STAB2: variants seen among roughly 807,000 people sequenced by gnomAD.
STAB2 encodes stabilin-2.
Under a neutral mutation model 338.1 loss-of-function variants are expected in STAB2, and 288 were observed. That is an observed-to-expected ratio of 0.85 (90% CI 0.77 to 0.94). The LOEUF is 0.94. Ranked by LOEUF, STAB2 falls within the 40% of genes least tolerant of loss-of-function variation. The pLI is 0.00. For missense variants in STAB2, 3,141 were observed against 3,210.1 expected, an observed-to-expected ratio of 0.98 and a Z score of 0.52; for synonymous variants, 1,202 against 1,193.3, an observed-to-expected ratio of 1.01 and a Z score of -0.15.
At chr12:103,707,940 A>C (rs1384927243) in intron 38 of STAB2, among the ~76,000 whole-genome samples, 1 of 152,224 alleles carries the variant, frequency 6.6e-6, no homozygotes, top group Non-Finnish European at 1.5e-5. Context: ...GGGATTCAGC[A>C]AACCGCTAAA....
intron 25 of STAB2, among the ~76,000 whole-genome samples, chr12:103,678,890 G>A (rs1434840797): frequency 1.3e-5 from 2 of 152,056 alleles, no homozygotes; most frequent in Non-Finnish European, 2.9e-5. Context: ...GTGGCTTTAG[G>A]CATCATTCCC....
intron 5 of STAB2, among the ~76,000 whole-genome samples, chr12:103,630,618 G>A (rs1957445129): frequency 6.6e-6 from 1 of 152,208 alleles, no homozygotes; most frequent in Non-Finnish European, 1.5e-5. Flanking sequence ...GTAATCACAA[G>A]AGTTGTTATA....
intron 3 of STAB2, among the ~76,000 whole-genome samples, chr12:103,608,704 G>C (rs188632469): frequency 6.6e-6 from 1 of 152,276 alleles, no homozygotes; most frequent in Admixed American, 6.5e-5. Flanking sequence ...GATCCCATTT[G>C]TCAATTTTGG....
intron 44 of STAB2, among the ~76,000 whole-genome samples, chr12:103,719,875 C>T (rs956500970): frequency 1.3e-5 from 2 of 152,236 alleles, no homozygotes; most frequent in Non-Finnish European, 2.9e-5. Flanking sequence ...GACCTGCACC[C>T]TTGACCACTT....
At chr12:103,696,871 A>G (rs1878452164) in intron 33 of STAB2, among the ~76,000 whole-genome samples, 1 of 152,082 alleles carries the variant, frequency 6.6e-6, no homozygotes, top group Non-Finnish European at 1.5e-5. Flanking sequence ...CATAAAACAC[A>G]CAGCAGCTCT....
At chr12:103,730,953 G>A (rs908843273) in intron 49 of STAB2, among the ~76,000 whole-genome samples, 4 of 152,190 alleles carry the variant, frequency 2.6e-5, no homozygotes, top group Non-Finnish European at 4.4e-5. Context: ...GGGAGGCTGA[G>A]GTGGGAGAAT....
At chr12:103,630,777 G>T (rs2138663810) in intron 5 of STAB2, among the ~76,000 whole-genome samples, 1 of 152,312 alleles carries the variant, frequency 6.6e-6, no homozygotes, top group East Asian at 1.9e-4. Context: ...CAAAAGAAAA[G>T]ATTCTCCACT....
intron 60 of STAB2, among the ~76,000 whole-genome samples, chr12:103,751,776 T>C (rs1395514998): frequency 6.6e-6 from 1 of 152,080 alleles, no homozygotes; most frequent in East Asian, 1.9e-4. Context: ...GACCATAGAG[T>C]GTGGTCCAGC....
At chr12:103,725,315 G>C (rs1291153905) in intron 45 of STAB2, among the ~76,000 whole-genome samples, 2 of 152,220 alleles carry the variant, frequency 1.3e-5, no homozygotes, top group Non-Finnish European at 2.9e-5. Context: ...TGGACCGACA[G>C]CTCTGGAGTC....
chr12:103,755,348 T>A lies in STAB2; in HGVS notation c.6761T>A (p.Val2254Asp). 1 of 1,614,014 alleles carries A rather than the reference T, an allele frequency of 6.2e-7. No individual in the cohort carries two copies. Among genetic ancestry groups the A allele is most frequent in the Non-Finnish European group, 8.5e-7 (1 of 1,180,006 alleles). ...GCAGGCTGGCTGGAGACCGGGCGGGTTGCCTACCCCACAGCCTTCGCCTCC... is the reference window on the plus strand; with the variant it reads ...GCAGGCTGGCTGGAGACCGGGCGGGATGCCTACCCCACAGCCTTCGCCTCC... Reference protein sequence around the residue: ...CSAGWLETGRVAYPTAFASQN... With the variant: ...CSAGWLETGRDAYPTAFASQN... The change falls in exon 62 of 69, where the codon GTT becomes GAT. Residue 2254 changes from valine to aspartate, a missense_variant. By Grantham distance (152) the Val-to-Asp change is radical. Coordinates refer to ENST00000388887, the MANE Select transcript of STAB2 (RefSeq NM_017564.10).
intron 1 of STAB2, among the ~76,000 whole-genome samples, chr12:103,589,322 C>A (rs941207359): frequency 2.0e-5 from 3 of 152,126 alleles, no homozygotes; most frequent in Admixed American, 2.0e-4. Context: ...CAAGAAGAAG[C>A]CTACCTCTTT....
chr12:103,683,172 A>G, intron 25 of STAB2, 33 bp from the exon 26 acceptor site: 2 of 1,595,260 alleles, frequency 1.3e-6, no homozygotes, highest in Non-Finnish European at 8.6e-7. Flanking sequence ...CTTGCTTTCA[A>G]TAATCCACTT....
At position 103,702,453 on chromosome 12, in the gene STAB2, C is replaced by T. The variant is rs377600408; in HGVS notation, c.3715-695C>T. ...AGCTGGGACTACAGGCGCCCGCCAC[C>T]GCGCCCGGCTAATTTTTTTGTATTT... On this transcript the variant is annotated intron_variant, in intron 34 of 68. Transcript: ENST00000388887. Among the ~76,000 whole-genome samples, 128 of 152,196 alleles carry T rather than the reference C, an allele frequency of 8.4e-4. 1 individual carries two copies. The highest frequency in any genetic ancestry group is 2.9e-3 in the African/African-American group (122 of 41,542).
At chr12:103,593,130 G>C (rs917630341) in intron 2 of STAB2, among the ~76,000 whole-genome samples, 1 of 152,320 alleles carries the variant, frequency 6.6e-6, no homozygotes, top group South Asian at 2.1e-4. Context: ...GTGAACATGA[G>C]AGTGAAGAGA....
intron 34 of STAB2, among the ~76,000 whole-genome samples, chr12:103,702,693 T>A (rs1295656371): frequency 6.6e-6 from 1 of 152,230 alleles, no homozygotes; most frequent in East Asian, 1.9e-4. Context: ...AAAGGAACAG[T>A]TGCATTCTTC....
intron 2 of STAB2, 136 bp downstream of exon 2, chr12:103,591,166 T>G: frequency 8.6e-7 from 1 of 1,166,728 alleles, no homozygotes; most frequent in South Asian, 1.4e-5. Flanking sequence ...TCACAATTTA[T>G]GAACTTAAGT....
intron 68 of STAB2, among the ~76,000 whole-genome samples, chr12:103,765,845 C>T (rs1018290081): frequency 1.3e-5 from 2 of 152,234 alleles, no homozygotes; most frequent in East Asian, 1.9e-4. Flanking sequence ...CCCGGCTGAG[C>T]GGGGTTTCTA....
Position 103,620,549 on chromosome 12 carries a change from G to A in STAB2, c.413G>A (p.Cys138Tyr). The change falls in exon 4 of 69, where the codon TGC becomes TAC. Residue 138 changes from cysteine (C) to tyrosine (Y), a missense_variant. Coordinates refer to ENST00000388887, the MANE Select transcript of STAB2 (RefSeq NM_017564.10). ...ATGGAAGGAAATGGAACCTGCTCCT[G>A]CCAAGTAAGTTCAAAAATGTGTTCT... ...EGMEGNGTCS[C>Y]QEGFGGTACE... 2 of 1,562,432 alleles carry A rather than the reference G, an allele frequency of 1.3e-6. No homozygotes were observed. The highest frequency in any genetic ancestry group is 1.7e-6 in the Non-Finnish European group (2 of 1,152,176).
Position 103,620,504 on chromosome 12 carries a change from G to A in STAB2, c.368G>A (p.Arg123Lys), listed in dbSNP as rs1957281821. 1 of 1,584,482 alleles carries A rather than the reference G, an allele frequency of 6.3e-7. No homozygotes were observed. The highest frequency in any genetic ancestry group is 1.3e-5 in the African/African-American group (1 of 74,306). Reference protein sequence around the residue: ...PGGAGSPCNGRGSCAEGMEGN... With the variant: ...PGGAGSPCNGKGSCAEGMEGN... ...GGAGCGGGGTCACCCTGCAATGGCA[G>A]AGGCAGTTGTGCTGAAGGCATGGAA... Residue 123 changes from arginine to lysine, a missense_variant, in exon 4 of 69, where the codon AGA (arginine) becomes AAA (lysine). Transcript: ENST00000388887.
Sources: gnomAD v4.1 joint callset for allele counts (sites outside exome capture counted in the v4.1 genomes callset) on GRCh38, gnomAD v4.1.1 for gene constraint, MANE v1.5 for transcripts, NCBI Gene and HGNC (gene_info 2026-07-23, HGNC 2026-07-21) for gene names.